The following RAP1GAP2 variants were observed in gnomAD, a reference collection of about 807,000 sequenced individuals.
RAP1GAP2 encodes the protein RAP1 GTPase activating protein 2.
A neutral mutation model predicts 95.0 loss-of-function variants in RAP1GAP2; 27 were observed. The ratio of observed to expected loss-of-function variants is 0.28; its 90% CI spans 0.21 to 0.39. The LOEUF (loss-of-function observed/expected upper bound fraction) is 0.39, where lower values mean the gene tolerates loss of function less well. RAP1GAP2 is among the 10% of genes least tolerant of loss of function. The pLI is 1.00. For synonymous variants in RAP1GAP2, 373 were observed against 380.9 expected (o/e 0.98, Z 0.24); for missense variants, 771 against 970.0 (o/e 0.79, Z 2.72).
At chr17:2,802,606 C>T (rs1031189505) in intron 2 of RAP1GAP2, among the ~76,000 whole-genome samples, 1 of 152,052 alleles carries the variant, frequency 6.6e-6, no homozygotes. Context: ...AGCTACTCGG[C>T]CGACTGAGGC....
chr17:2,962,622 C>A, intron 4 of RAP1GAP2, 48 bp from the exon 5 acceptor site: 1 of 1,537,868 alleles, frequency 6.5e-7, no homozygotes, highest in Non-Finnish European at 8.8e-7. Flanking sequence ...CTGGCCCTGT[C>A]TTCTGACCTT....
Position 2,855,840 on chromosome 17 carries a change from C to T in RAP1GAP2, c.81-49444C>T, listed in dbSNP as rs1467565142. On this transcript the variant is annotated intron_variant, in intron 2 of 24. Coordinates refer to ENST00000254695, the MANE Select transcript of RAP1GAP2 (RefSeq NM_015085.5). The surrounding 1 kb of genome is among the most constrained non-coding windows in gnomAD (Gnocchi z 4.3). ...TGTTGCCCAGGGTGGTCTCAAACTC[C>T]TGAGCTCAGGCGATCCACCTGCCTC... Among the ~76,000 whole-genome samples the T allele has an allele frequency of 6.6e-6, 1 of 152,182 alleles. No individual in the cohort carries two copies. Among genetic ancestry groups the T allele is most frequent in the Non-Finnish European group, 1.5e-5 (1 of 68,034 alleles).
chr17:2,927,771 T>A (rs2043016844), intron 3 of RAP1GAP2, among the ~76,000 whole-genome samples: 1 of 152,200 alleles, frequency 6.6e-6, no homozygotes, highest in African/African-American at 2.4e-5. Context: ...CATCTCTACC[T>A]GCTTCCTAGA....
At chr17:2,958,957 ATCT>A (rs2044215351) in intron 4 of RAP1GAP2, among the ~76,000 whole-genome samples, 2 of 151,660 alleles carry the variant, frequency 1.3e-5, no homozygotes, top group African/African-American at 4.8e-5. Flanking sequence ...TGACAGACTC[ATCT>A]TCTACGCATT....
rs182529556 is a variant in RAP1GAP2 at position 2,965,195 on chromosome 17, C to T, written c.493-345C>T. Reference sequence around the variant, plus strand: ...GCCCTTCAGAGTCAAGACAGCTGTGCGTTTGAACCCTGGATCTGTCCCTTA... The same window carrying T: ...GCCCTTCAGAGTCAAGACAGCTGTGTGTTTGAACCCTGGATCTGTCCCTTA... On this transcript the variant is annotated intron_variant, in intron 7 of 24. Coordinates refer to ENST00000254695, the MANE Select transcript of RAP1GAP2 (RefSeq NM_015085.5). This position sits in a 1 kb window ranked among gnomAD's most constrained non-coding sequence, Gnocchi z 4.7. 1.4e-3 allele frequency: 371 copies of T among 264,524 alleles called. 1 individual carries two copies. Among genetic ancestry groups the T allele is most frequent in the Non-Finnish European group, 2.3e-3 (314 of 136,458 alleles). 16.4% of individuals were successfully genotyped at this position (264,524 alleles called of 1,614,324 possible).
At chr17:2,872,580 C>G (rs189984121) in intron 2 of RAP1GAP2, among the ~76,000 whole-genome samples, 1 of 152,140 alleles carries the variant, frequency 6.6e-6, no homozygotes, top group East Asian at 1.9e-4. Flanking sequence ...TTTCTGTTAC[C>G]CGCAGTCATG....
At chr17:2,928,283 C>A (rs548830884) in intron 3 of RAP1GAP2, among the ~76,000 whole-genome samples, 2 of 152,174 alleles carry the variant, frequency 1.3e-5, no homozygotes, top group Non-Finnish European at 2.9e-5. Context: ...TCCATGCGGC[C>A]GGTGGGGAAA....
At position 2,922,505 on chromosome 17, in the gene RAP1GAP2, C is replaced by T. The variant is rs369546733; in HGVS notation, c.165+17137C>T. On this transcript the variant is annotated intron_variant, in intron 3 of 24. Coordinates refer to ENST00000254695, the MANE Select transcript of RAP1GAP2 (RefSeq NM_015085.5). ...CCTGGTGGGAGCTTGGTGAGGTCCCCGAGGTCTGCCAGCACCTGCTCTCCT... is the reference window on the plus strand; with the variant it reads ...CCTGGTGGGAGCTTGGTGAGGTCCCTGAGGTCTGCCAGCACCTGCTCTCCT... 3.2e-4 allele frequency among the ~76,000 whole-genome samples: 49 copies of T among 152,260 alleles called. 1 individual carries two copies. The South Asian group carries it at 7.7e-3, about 24-fold the overall frequency.
chr17:2,943,381 G>T (rs2043577657), intron 3 of RAP1GAP2, among the ~76,000 whole-genome samples: 1 of 152,148 alleles, frequency 6.6e-6, no homozygotes, highest in Non-Finnish European at 1.5e-5. Flanking sequence ...GATTTAAGAA[G>T]TGCACTATAG....
intron 2 of RAP1GAP2, among the ~76,000 whole-genome samples, chr17:2,878,002 G>T (rs563841228): frequency 1.3e-5 from 2 of 152,062 alleles, no homozygotes; most frequent in Non-Finnish European, 2.9e-5. Context: ...GCTGAGAGAC[G>T]TGTAGGAGGC....
intron 11 of RAP1GAP2, among the ~76,000 whole-genome samples, chr17:2,990,010 G>A (rs2045697168): frequency 1.3e-5 from 2 of 152,106 alleles, no homozygotes; most frequent in Admixed American, 6.5e-5. Context: ...TTTGTGTCTG[G>A]TTTCTTTCAC....
chr17:3,011,329 C>G (rs949454602), intron 17 of RAP1GAP2, among the ~76,000 whole-genome samples: 1 of 152,212 alleles, frequency 6.6e-6, no homozygotes, highest in Non-Finnish European at 1.5e-5. Flanking sequence ...GAGGCCTGAG[C>G]TGGGGACAGG....
intron 3 of RAP1GAP2, among the ~76,000 whole-genome samples, chr17:2,955,053 C>T (rs372078659): frequency 2.6e-5 from 4 of 152,296 alleles, no homozygotes; most frequent in East Asian, 3.9e-4. Context: ...TTGTACCCAC[C>T]GTTTGGCAAG....
In RAP1GAP2 at chr17:2,796,520, C is replaced by A; in HGVS notation, c.-8C>A. 2 of 1,559,584 alleles carry A rather than the reference C, an allele frequency of 1.3e-6. No individual in the cohort carries two copies. Among genetic ancestry groups the A allele is most frequent in the South Asian group, 2.4e-5 (2 of 84,546 alleles). On this transcript the variant is annotated 5_prime_UTR_variant, in exon 1 of 25. Coordinates refer to ENST00000254695, the MANE Select transcript of RAP1GAP2 (RefSeq NM_015085.5). This position sits in a 1 kb window ranked among gnomAD's most constrained non-coding sequence, Gnocchi z 4.7. ...ATCGCTGGGACCCCGGGCTCTGCAG[C>A]CACAACCATGTTTGGCCGGAAGCGC...
chr17:2,768,390 C>T (rs1426677590), intron 1 of RAP1GAP2, among the ~76,000 whole-genome samples: 1 of 152,126 alleles, frequency 6.6e-6, no homozygotes, highest in African/African-American at 2.4e-5. Flanking sequence ...CATCATAGGC[C>T]CTCAATAAAT....
Position 3,033,086 on chromosome 17 carries a change from G to A in RAP1GAP2, c.*31-306G>A, listed in dbSNP as rs1018878167. The A allele has an allele frequency of 5.2e-5, 8 of 153,560 alleles. No individual in the cohort carries two copies. The highest frequency in any genetic ancestry group is 3.9e-4 in the East Asian group (2 of 5,186). The allele number at this position is 153,560 out of a possible 1,614,324, so 9.5% of individuals were successfully genotyped here. On this transcript the variant is annotated intron_variant, in intron 24 of 24. Coordinates refer to ENST00000254695, the MANE Select transcript of RAP1GAP2 (RefSeq NM_015085.5). This position sits in a 1 kb window ranked among gnomAD's most constrained non-coding sequence, Gnocchi z 4.9. ...TGGAGCCAAGAGGAGGGGTACAACC[G>A]AACCCACTCTGTGTTCAACCTGATT...
chr17:2,992,791 C>T (rs2045809378), intron 12 of RAP1GAP2, among the ~76,000 whole-genome samples: 1 of 152,164 alleles, frequency 6.6e-6, no homozygotes, highest in African/African-American at 2.4e-5. Context: ...CTCCCTCCCT[C>T]AAGGTCATCA....
chr17:2,796,474 C>A lies in RAP1GAP2; in HGVS notation c.-54C>A. On this transcript the variant is annotated 5_prime_UTR_variant, in exon 1 of 25. Coordinates refer to ENST00000254695, the MANE Select transcript of RAP1GAP2 (RefSeq NM_015085.5). The surrounding 1 kb of genome is among the most constrained non-coding windows in gnomAD (Gnocchi z 4.7). The stretch of plus-strand genomic sequence containing the variant: ...TGTACCACGGCCCTCTTGCGGACAG[C>A]CCCGGGGACGTCGTTGGGACATCGC... 1 of 1,547,684 alleles carries A rather than the reference C, an allele frequency of 6.5e-7. No homozygotes were observed. Among genetic ancestry groups the A allele is most frequent in the Admixed American group, 2.0e-5 (1 of 51,022 alleles).
intron 2 of RAP1GAP2, among the ~76,000 whole-genome samples, chr17:2,820,703 G>T (rs558703332): frequency 2.0e-5 from 3 of 150,806 alleles, no homozygotes; most frequent in East Asian, 3.9e-4. Context: ...ACTGATGTTT[G>T]ATTTTCATGT....
Sources: allele counts gnomAD v4.1 joint callset (sites outside exome capture counted in the v4.1 genomes callset), GRCh38; gene constraint gnomAD v4.1.1; non-coding constraint Gnocchi (gnomAD v3.1); transcripts MANE v1.5; gene names NCBI Gene and HGNC (gene_info 2026-07-23, HGNC 2026-07-21).